Variants in ATP10B observed in about 807,000 individuals in gnomAD.
ATP10B encodes ATPase phospholipid transporting 10B (putative).
ATP10B carries 122 observed loss-of-function variants against 141.2 expected under a neutral mutation model. The observed-to-expected ratio is 0.86, with a 90% CI of 0.75 to 1.00. The LOEUF (loss-of-function observed/expected upper bound fraction) is 1.00, where lower values mean the gene tolerates loss of function less well. ATP10B is among the 50% of genes least tolerant of loss of function. ATP10B has a pLI of 0.00. For synonymous variants in ATP10B, 685 were observed against 692.0 expected (o/e 0.99, Z 0.16); for missense variants, 1,876 against 1,825.3 (o/e 1.03, Z -0.51).
At chr5:160,743,662 T>C (rs1167705825) in intron 2 of ATP10B, among the ~76,000 whole-genome samples, 8 of 152,200 alleles carry the variant, frequency 5.3e-5, no homozygotes, top group African/African-American at 1.9e-4. Context: ...AGACAAAGGA[T>C]ATGCTTAGCA....
chr5:160,773,248 G>T (rs1319393134), intron 2 of ATP10B, among the ~76,000 whole-genome samples: 1 of 152,204 alleles, frequency 6.6e-6, no homozygotes, highest in Non-Finnish European at 1.5e-5. Flanking sequence ...TTGAAAAATA[G>T]TCGTAGTCTT....
intron 24 of ATP10B, among the ~76,000 whole-genome samples, chr5:160,583,985 T>C (rs568304048): frequency 1.7e-4 from 26 of 152,250 alleles, no homozygotes; most frequent in African/African-American, 5.5e-4. Context: ...TGGGATCTGC[T>C]GAACTAGACC....
intron 1 of ATP10B, among the ~76,000 whole-genome samples, chr5:160,812,431 G>C (rs1026228777): frequency 6.6e-6 from 1 of 152,156 alleles, no homozygotes; most frequent in Non-Finnish European, 1.5e-5. Context: ...ACCAATCCTG[G>C]AGAAACAGAG....
the ATP10B span, among the ~76,000 whole-genome samples, chr5:160,923,148 G>T: frequency 9.8e-5 from 15 of 152,320 alleles, no homozygotes; most frequent in African/African-American, 3.6e-4. Flanking sequence ...CGATCGGAAG[G>T]CTGGCAAGCA....
intron 10 of ATP10B, among the ~76,000 whole-genome samples, chr5:160,637,041 A>ATCCATCC (rs1759449996): frequency 1.8e-5 from 1 of 55,932 alleles, no homozygotes; most frequent in Non-Finnish European, 3.3e-5. Flanking sequence ...TCCATCCATG[A>ATCCATCC]ATCCATCCAT....
chr5:160,812,020 C>CACAGAGAACGAGAGAG (rs1211580744), intron 1 of ATP10B, among the ~76,000 whole-genome samples: 2 of 111,420 alleles, frequency 1.8e-5, no homozygotes, highest in Non-Finnish European at 4.0e-5. Flanking sequence ...GAGACAGAGA[C>CACAGAGAACGAGAGAG]AGAGAGAGAG....
chr5:160,909,100 TCAGA>T, the ATP10B span, among the ~76,000 whole-genome samples: 5 of 151,836 alleles, frequency 3.3e-5, no homozygotes, highest in South Asian at 2.1e-4. Context: ...TTATGGGGGG[TCAGA>T]CAAAGAAAGG....
At chr5:160,638,764 C>T (rs892558265) in intron 10 of ATP10B, among the ~76,000 whole-genome samples, 5 of 152,202 alleles carry the variant, frequency 3.3e-5, no homozygotes, top group Non-Finnish European at 4.4e-5. Context: ...TCATTGGTTT[C>T]GGGTCTGCAT....
chr5:160,921,894 A>G, the ATP10B span, among the ~76,000 whole-genome samples: 2,491 of 152,322 alleles, frequency 0.016, 27 homozygotes, highest in Non-Finnish European at 0.027. Flanking sequence ...TCTAAGTGCT[A>G]GAGTTGTTTT....
chr5:160,636,463 G>C (rs1759380822), intron 10 of ATP10B, among the ~76,000 whole-genome samples, 154 bp from the exon 11 acceptor site: 1 of 152,166 alleles, frequency 6.6e-6, no homozygotes, highest in Admixed American at 6.5e-5. Flanking sequence ...GTGTGTGTTT[G>C]TGTATGTGCA....
At chr5:160,883,277 T>A in the ATP10B span, among the ~76,000 whole-genome samples, 1 of 152,204 alleles carries the variant, frequency 6.6e-6, no homozygotes, top group Non-Finnish European at 1.5e-5. Flanking sequence ...TATTGAAGAA[T>A]CTATTGAATG....
intron 3 of ATP10B, among the ~76,000 whole-genome samples, chr5:160,700,102 A>C (rs555409248): frequency 1.6e-4 from 25 of 152,234 alleles, no homozygotes; most frequent in African/African-American, 6.0e-4. Context: ...AAATACAGAA[A>C]ATTCTGGAAA....
At chr5:160,760,809 C>T (rs543064094) in intron 2 of ATP10B, among the ~76,000 whole-genome samples, 10 of 152,220 alleles carry the variant, frequency 6.6e-5, no homozygotes, top group Admixed American at 2.0e-4. Flanking sequence ...TCCTTGGGAA[C>T]ATAACTCCAT....
chr5:160,804,757 G>C (rs115568208), intron 1 of ATP10B, among the ~76,000 whole-genome samples: 270 of 152,320 alleles, frequency 1.8e-3, no homozygotes, highest in African/African-American at 6.3e-3. Context: ...CTTGGGATAT[G>C]TGTGCATCTT....
intron 7 of ATP10B, among the ~76,000 whole-genome samples, chr5:160,655,342 G>T (rs1057482641): frequency 4.6e-5 from 7 of 151,716 alleles, no homozygotes; most frequent in East Asian, 3.9e-4. Flanking sequence ...CCCATAGAAG[G>T]TTCCACCCCC....
intron 1 of ATP10B, among the ~76,000 whole-genome samples, chr5:160,840,271 T>A (rs1033756960): frequency 6.6e-6 from 1 of 151,918 alleles, no homozygotes; most frequent in Non-Finnish European, 1.5e-5. Flanking sequence ...GAAAAATAAA[T>A]GCATAAGAAT....
chr5:160,686,497 AG>A (rs1251485294), intron 5 of ATP10B, among the ~76,000 whole-genome samples: 1 of 152,140 alleles, frequency 6.6e-6, no homozygotes, highest in Non-Finnish European at 1.5e-5. Context: ...TAAGTTCTTT[AG>A]TGGTGATTTG....
intron 24 of ATP10B, among the ~76,000 whole-genome samples, chr5:160,570,187 T>A (rs1754789219): frequency 6.6e-6 from 1 of 152,138 alleles, no homozygotes; most frequent in Non-Finnish European, 1.5e-5. Context: ...TATTTAATTT[T>A]AAAAATTGAT....
chr5:160,589,913 G>A (rs1003030526), intron 23 of ATP10B, among the ~76,000 whole-genome samples: 10 of 152,176 alleles, frequency 6.6e-5, no homozygotes, highest in African/African-American at 2.4e-4. Flanking sequence ...AGCCAAGATG[G>A]GGATTGTGAA....
Sources: allele counts gnomAD v4.1 joint callset (sites outside exome capture counted in the v4.1 genomes callset), GRCh38; gene constraint gnomAD v4.1.1; transcripts MANE v1.5; gene names NCBI Gene and HGNC (gene_info 2026-07-23, HGNC 2026-07-21).